C3AR1: variants seen among roughly 807,000 people sequenced by gnomAD.
The protein encoded by C3AR1 is complement C3a receptor 1, also known as C3a anaphylatoxin chemotactic receptor.
For synonymous variants in C3AR1, 208 were observed against 225.3 expected, an observed-to-expected ratio of 0.92 and a Z score of 0.69; for missense variants, 579 against 583.5, an observed-to-expected ratio of 0.99 and a Z score of 0.08.
rs148909565 is a variant in C3AR1 at position 8,065,902 on chromosome 12, G to C, written c.-11+376C>G. 5.4e-3 allele frequency among the ~76,000 whole-genome samples: 819 copies of C among 151,582 alleles called. 8 individuals are homozygous for C. The highest frequency in any genetic ancestry group is 0.019 in the African/African-American group (781 of 41,314). ...TAGTAATAGGATAACAGAGTCAGTA[G>C]CAATAAGGAATGGGCAAAAGAATAA... On this transcript the variant is annotated intron_variant, in intron 1 of 1. Coordinates refer to ENST00000307637, the MANE Select transcript of C3AR1 (RefSeq NM_004054.4).
intron 1 of C3AR1, among the ~76,000 whole-genome samples, chr12:8,063,346 T>A (rs1222104182): frequency 6.6e-6 from 1 of 152,188 alleles, no homozygotes; most frequent in Non-Finnish European, 1.5e-5. Context: ...AACGTTTGTT[T>A]CTCAGTCACC....
chr12:8,065,148 CA>C (rs34054766), intron 1 of C3AR1, among the ~76,000 whole-genome samples: 34,481 of 129,652 alleles, frequency 0.27, 4,301 homozygotes, highest in Non-Finnish European at 0.33. Flanking sequence ...TTTTTACTAC[CA>C]AAAAAAAAAA....
Position 8,057,204 on chromosome 12 carries a change from T to C in C3AR1, c.*1533A>G, listed in dbSNP as rs777030689. Among the ~76,000 whole-genome samples the C allele has an allele frequency of 6.6e-6, 1 of 152,008 alleles. No individual in the cohort carries two copies. The highest frequency in any genetic ancestry group is 2.1e-4 in the South Asian group (1 of 4,808). On this transcript the variant is annotated 3_prime_UTR_variant, in exon 2 of 2. Coordinates refer to ENST00000307637, the MANE Select transcript of C3AR1 (RefSeq NM_004054.4). ...ACAAACATTTATATATACAGAAAAA[T>C]GAGAAGGTGGTAGGGAGTTAGGTAA...
At chr12:8,065,811 A>ATT (rs1421905187) in intron 1 of C3AR1, among the ~76,000 whole-genome samples, 1 of 152,164 alleles carries the variant, frequency 6.6e-6, no homozygotes, top group Admixed American at 6.5e-5. Context: ...TTTAAAGGTA[A>ATT]TTAATATCCT....
At chr12:8,064,689 C>CAAAA (rs59800369) in intron 1 of C3AR1, among the ~76,000 whole-genome samples, 11 of 129,468 alleles carry the variant, frequency 8.5e-5, no homozygotes, top group East Asian at 8.4e-4. Flanking sequence ...AACTCCATCT[C>CAAAA]AAAAAAAAAA....
chr12:8,060,010 A>T lies in C3AR1; in HGVS notation c.176T>A (p.Ile59Asn). 1 of 1,614,060 alleles carries T rather than the reference A, an allele frequency of 6.2e-7. No individual in the cohort carries two copies. The highest frequency in any genetic ancestry group is 8.5e-7 in the Non-Finnish European group (1 of 1,180,012). The change falls in exon 2 of 2, where the codon ATT becomes AAT. Residue 59 changes from isoleucine (I) to asparagine (N), a missense_variant. Transcript: ENST00000307637. ...CGCCAAGGTGAGGTGGAGGAACCAA[A>T]TTGTGTTCACTGTCCGCTGCATCTT... ...GLKMQRTVNT[I>N]WFLHLTLADL...
At chr12:8,065,356 T>C (rs1947320624) in intron 1 of C3AR1, among the ~76,000 whole-genome samples, 1 of 151,940 alleles carries the variant, frequency 6.6e-6, no homozygotes, top group South Asian at 2.1e-4. Context: ...GGATTAAAAG[T>C]CCTTTAGAAC....
intron 1 of C3AR1, among the ~76,000 whole-genome samples, chr12:8,065,185 A>G (rs931165944): frequency 1.4e-4 from 21 of 151,682 alleles, no homozygotes; most frequent in Admixed American, 3.9e-4. Flanking sequence ...AAAAAAAGAT[A>G]TATGGTATTG....
In C3AR1 at chr12:8,059,947, G is replaced by A. The variant is rs770610433; in HGVS notation, c.239C>T (p.Ala80Val). 4 of 1,614,204 alleles carry A rather than the reference G, an allele frequency of 2.5e-6. No individual in the cohort carries two copies. The highest frequency in any genetic ancestry group is 1.1e-5 in the South Asian group (1 of 91,078). The change falls in exon 2 of 2, where the codon GCT becomes GTT. Residue 80 changes from alanine to valine, a missense_variant. Ala to Val is a moderately conservative substitution (Grantham distance 64, BLOSUM62 0). Coordinates refer to ENST00000307637, the MANE Select transcript of C3AR1 (RefSeq NM_004054.4). ...CCACTGTCCCTGGAGAGCCAAGTGAGCCAGCGAGAAGGGCAAGGAGAGGCA... is the reference window on the plus strand; with the variant it reads ...CCACTGTCCCTGGAGAGCCAAGTGAACCAGCGAGAAGGGCAAGGAGAGGCA... ...LCCLSLPFSLAHLALQGQWPY... is the reference protein window; with the variant it reads ...LCCLSLPFSLVHLALQGQWPY...
chr12:8,058,556 T>C lies in C3AR1; in HGVS notation c.*181A>G. The C allele has an allele frequency of 4.4e-6, 3 of 675,666 alleles. No individual in the cohort carries two copies. Among genetic ancestry groups the C allele is most frequent in the South Asian group, 4.5e-5 (2 of 44,690 alleles). The allele number at this position is 675,666 out of a possible 1,614,324, so 41.9% of individuals were successfully genotyped here. ...CAAGTCTGGGATGCGGCTTGAGAAT[T>C]TGCATTTCTAACAAGTTTCTAGGTG... is the stretch of plus-strand genomic sequence containing the variant. On this transcript the variant is annotated 3_prime_UTR_variant, in exon 2 of 2. Coordinates refer to ENST00000307637, the MANE Select transcript of C3AR1 (RefSeq NM_004054.4).
chr12:8,062,805 G>A (rs1483515762), intron 1 of C3AR1, among the ~76,000 whole-genome samples: 1 of 151,778 alleles, frequency 6.6e-6, no homozygotes, highest in Admixed American at 6.6e-5. Flanking sequence ...CACCATGCCC[G>A]GCTAATTTTT....
At chr12:8,065,176 A>T (rs1292556957) in intron 1 of C3AR1, among the ~76,000 whole-genome samples, 8 of 152,124 alleles carry the variant, frequency 5.3e-5, no homozygotes, top group Non-Finnish European at 1.0e-4. Flanking sequence ...ACATTAAAAA[A>T]AAAAAGATAT....
Position 8,060,095 on chromosome 12 carries a change from T to A in C3AR1, c.91A>T (p.Ser31Cys). The change falls in exon 2 of 2, where the codon AGC (serine) becomes TGC (cysteine). Residue 31 changes from serine (S) to cysteine (C), a missense_variant. By Grantham distance (112) the Ser-to-Cys change is moderately radical. Coordinates refer to ENST00000307637, the MANE Select transcript of C3AR1 (RefSeq NM_004054.4). ...GGCAATCCCAGTAAAAAAGTAAGGC[T>A]GAGAATGACCATGGAGAGAATTACT... The part of the protein sequence containing the change: ...PPVILSMVIL[S>C]LTFLLGLPGN... The A allele has an allele frequency of 6.2e-7, 1 of 1,614,066 alleles. No individual in the cohort carries two copies. The highest frequency in any genetic ancestry group is 8.5e-7 in the Non-Finnish European group (1 of 1,180,012).
chr12:8,063,652 T>G (rs1947299372), intron 1 of C3AR1, among the ~76,000 whole-genome samples: 1 of 152,244 alleles, frequency 6.6e-6, no homozygotes, highest in Admixed American at 6.5e-5. Flanking sequence ...TCTTGTACAA[T>G]AATTATAATG....
At chr12:8,061,457 A>AT (rs774555004) in intron 1 of C3AR1, among the ~76,000 whole-genome samples, 43 of 150,962 alleles carry the variant, frequency 2.8e-4, no homozygotes, top group African/African-American at 1.0e-3. Flanking sequence ...TTATTTATTT[A>AT]TTATTATTAT....
At position 8,057,257 on chromosome 12, in the gene C3AR1, A is replaced by C. The variant is rs557128969; in HGVS notation, c.*1480T>G. Among the ~76,000 whole-genome samples the C allele has an allele frequency of 2.0e-5, 3 of 152,372 alleles. No homozygotes were observed. The highest frequency in any genetic ancestry group is 7.2e-5 in the African/African-American group (3 of 41,586). The stretch of plus-strand genomic sequence containing the variant: ...TTGTTTTAAATGAAAAAGGGACAGA[A>C]GGAAAGCTATATAAATGGTTGGAGT... On this transcript the variant is annotated 3_prime_UTR_variant, in exon 2 of 2. Coordinates refer to ENST00000307637, the MANE Select transcript of C3AR1 (RefSeq NM_004054.4).
At chr12:8,062,250 A>AT (rs1409891592) in intron 1 of C3AR1, among the ~76,000 whole-genome samples, 1 of 152,150 alleles carries the variant, frequency 6.6e-6, no homozygotes, top group East Asian at 1.9e-4. Context: ...GTAAATACAT[A>AT]TTTTTTATAC....
At position 8,058,215 on chromosome 12, in the gene C3AR1, G is replaced by A. The variant is rs1295761635; in HGVS notation, c.*522C>T. 4 of 152,910 alleles carry A rather than the reference G, an allele frequency of 2.6e-5. No homozygotes were observed. Among genetic ancestry groups the A allele is most frequent in the African/African-American group, 4.8e-5 (2 of 41,330 alleles). 9.5% of individuals were successfully genotyped at this position (152,910 alleles called of 1,614,324 possible). A position where few individuals can be genotyped will look rare whatever the true frequency, so the allele number is the denominator to read the frequency against. ...CATTTTCTTTTTGCACTTTCTTTTC[G>A]TTTAAAACCATCAACACCACACGAC... On this transcript the variant is annotated 3_prime_UTR_variant, in exon 2 of 2. Coordinates refer to ENST00000307637, the MANE Select transcript of C3AR1 (RefSeq NM_004054.4).
Position 8,058,099 on chromosome 12 carries a change from A to G in C3AR1, c.*638T>C, listed in dbSNP as rs1418275120. Among the ~76,000 whole-genome samples the G allele has an allele frequency of 6.6e-6, 1 of 152,212 alleles. No homozygotes were observed. The highest frequency in any genetic ancestry group is 1.5e-5 in the Non-Finnish European group (1 of 68,044). On this transcript the variant is annotated 3_prime_UTR_variant, in exon 2 of 2. Coordinates refer to ENST00000307637, the MANE Select transcript of C3AR1 (RefSeq NM_004054.4). ...ACTCTATGTAATAGTGGAAATTTCT[A>G]TATCCTGTACCCAGGGGTGTTCCCA...
Sources: allele counts gnomAD v4.1 joint callset (sites outside exome capture counted in the v4.1 genomes callset), GRCh38; gene constraint gnomAD v4.1.1; transcripts MANE v1.5; gene names NCBI Gene and HGNC (gene_info 2026-07-23, HGNC 2026-07-21).